PIWIL1: variants seen among roughly 807,000 people sequenced by gnomAD.
PIWIL1 encodes the protein piwi-like protein 1.
In PIWIL1, 73 loss-of-function variants were observed where a neutral mutation model predicts 114.4. That is an observed-to-expected ratio of 0.64 (90% CI 0.53 to 0.78). The LOEUF (loss-of-function observed/expected upper bound fraction) is 0.78. Ranked by LOEUF, PIWIL1 falls within the 30% of genes least tolerant of loss-of-function variation. PIWIL1 has a pLI of 0.00. For missense variants in PIWIL1, 723 were observed against 1,063.1 expected (o/e 0.68, Z 4.45); for synonymous variants, 375 against 369.0 (o/e 1.02, Z -0.19).
At chr12:130,359,637 G>A (rs1229293662) in intron 14 of PIWIL1, among the ~76,000 whole-genome samples, 1 of 152,192 alleles carries the variant, frequency 6.6e-6, no homozygotes, top group Non-Finnish European at 1.5e-5. Flanking sequence ...TTTTAGCAGA[G>A]TTGGTTGGTT....
At position 130,371,323 on chromosome 12, in the gene PIWIL1, A is replaced by G. The variant is rs138000461; in HGVS notation, c.2469A>G (p.Pro823=). 1.2e-6 allele frequency: 2 copies of G among 1,614,042 alleles called. No individual in the cohort carries two copies. The highest frequency in any genetic ancestry group is 2.7e-5 in the African/African-American group (2 of 74,956). ...TGTGCCACATCTATTACAACTGGCC[A>G]GTAAGTGCTTCTACTTGTTGATGTT... ...YKLCHIYYNW[P]GVIRVPAPCQ... The change falls in exon 20 of 21, where the codon CCA becomes CCG. Residue 823 remains proline, a splice_region_variant and synonymous_variant. Coordinates refer to ENST00000245255, the MANE Select transcript of PIWIL1 (RefSeq NM_004764.5).
At chr12:130,359,871 G>A (rs985018545) in intron 14 of PIWIL1, among the ~76,000 whole-genome samples, 2 of 152,182 alleles carry the variant, frequency 1.3e-5, no homozygotes, top group African/African-American at 4.8e-5. Flanking sequence ...CATTATGATT[G>A]TAAAGTAGGA....
the PIWIL1 span, chr12:130,412,506 G>C: frequency 1.0e-6 from 1 of 980,054 alleles, no homozygotes; most frequent in African/African-American, 1.6e-5. Context: ...CATGACTTTG[G>C]CATATTTAAA....
chr12:130,368,668 A>G (rs758105602), intron 19 of PIWIL1, among the ~76,000 whole-genome samples: 2 of 152,018 alleles, frequency 1.3e-5, no homozygotes, highest in Non-Finnish European at 2.9e-5. Context: ...ATTCTCTTTC[A>G]CCGTATTCAA....
At chr12:130,388,754 T>C in the PIWIL1 span, among the ~76,000 whole-genome samples, 2 of 152,216 alleles carry the variant, frequency 1.3e-5, no homozygotes, top group African/African-American at 4.8e-5. Context: ...TACAAGTATA[T>C]GTAATTGAGC....
At chr12:130,364,056 A>G (rs1319585171) in intron 18 of PIWIL1, among the ~76,000 whole-genome samples, 1 of 152,218 alleles carries the variant, frequency 6.6e-6, no homozygotes, top group East Asian at 1.9e-4. Context: ...TTATGAGTCA[A>G]TAAAATGTGT....
chr12:130,369,702 T>C (rs1395406901), intron 19 of PIWIL1, among the ~76,000 whole-genome samples: 1 of 152,230 alleles, frequency 6.6e-6, no homozygotes, highest in African/African-American at 2.4e-5. Context: ...TTTTGAGAAG[T>C]GTCTGTTCTT....
In PIWIL1 at chr12:130,355,611, C is replaced by T. The variant is rs909579125; in HGVS notation, c.1348C>T (p.Leu450=). ...DWGLSFDSNL[L]SFSGRILQTE... is the part of the protein sequence containing the mutation. Reference sequence around the variant, plus strand: ...GGGTTTGAGCTTTGATTCCAACTTACTGTCCTTCTCAGGAAGAATTTTGCA... The same window carrying T: ...GGGTTTGAGCTTTGATTCCAACTTATTGTCCTTCTCAGGAAGAATTTTGCA... The change falls in exon 12 of 21, where the codon CTG becomes TTG. Residue 450 remains leucine (L), a synonymous_variant. Transcript: ENST00000245255. 2.5e-6 allele frequency: 4 copies of T among 1,614,060 alleles called. No individual in the cohort carries two copies. The highest frequency in any genetic ancestry group is 2.5e-6 in the Non-Finnish European group (3 of 1,180,002).
the PIWIL1 span, among the ~76,000 whole-genome samples, chr12:130,409,332 C>CT: frequency 0.34 from 22,481 of 65,362 alleles, 8,616 homozygotes; most frequent in Non-Finnish European, 0.5. Flanking sequence ...CAAAATGTAG[C>CT]TTTTTTTTTT....
At chr12:130,355,725 C>A in intron 12 of PIWIL1, 58 bp downstream of exon 12, 2 of 1,206,774 alleles carry the variant, frequency 1.7e-6, no homozygotes, top group Non-Finnish European at 2.5e-6. Flanking sequence ...TCGCTCTGTC[C>A]CCCAGGCAGG....
intron 9 of PIWIL1, among the ~76,000 whole-genome samples, chr12:130,350,576 T>C (rs2136145625): frequency 1.3e-5 from 2 of 152,318 alleles, no homozygotes; most frequent in East Asian, 3.9e-4. Context: ...GAAACTGAAC[T>C]GTTCATGTAA....
the PIWIL1 span, among the ~76,000 whole-genome samples, chr12:130,390,521 C>T: frequency 2.6e-5 from 4 of 152,174 alleles, no homozygotes; most frequent in Non-Finnish European, 5.9e-5. Context: ...CCCAGGTTTC[C>T]CCTGCTCCAA....
At chr12:130,399,704 G>A in the PIWIL1 span, 38 of 1,614,040 alleles carry the variant, frequency 2.4e-5, no homozygotes, top group East Asian at 1.8e-4. Context: ...GCGCATTGGC[G>A]TATCTTGAGA....
the PIWIL1 span, among the ~76,000 whole-genome samples, chr12:130,390,349 GTTGT>G: frequency 1.3e-5 from 2 of 152,160 alleles, 1 homozygote; most frequent in South Asian, 4.1e-4. Context: ...TGTTTGTGAG[GTTGT>G]TTGTACAGCA....
chr12:130,364,042 G>A (rs1400654722), intron 18 of PIWIL1, among the ~76,000 whole-genome samples: 2 of 152,140 alleles, frequency 1.3e-5, no homozygotes, highest in African/African-American at 4.8e-5. Flanking sequence ...TTCCGTCAGT[G>A]CCATTATGAG....
chr12:130,340,192 G>C (rs1253558657), intron 1 of PIWIL1, among the ~76,000 whole-genome samples: 1 of 152,168 alleles, frequency 6.6e-6, no homozygotes, highest in Non-Finnish European at 1.5e-5. Flanking sequence ...TCAGAGGAGG[G>C]TGAGGCTTTG....
chr12:130,353,842 C>T (rs2073287651), intron 9 of PIWIL1, among the ~76,000 whole-genome samples: 1 of 151,910 alleles, frequency 6.6e-6, no homozygotes, highest in Non-Finnish European at 1.5e-5. Context: ...AGGAGAATCA[C>T]CTGAACCCGG....
chr12:130,408,813 C>T, the PIWIL1 span, among the ~76,000 whole-genome samples: 1 of 152,176 alleles, frequency 6.6e-6, no homozygotes, highest in Non-Finnish European at 1.5e-5. Context: ...CTATCAAAGG[C>T]AAATATCTCA....
Position 130,361,601 on chromosome 12 carries a change from GGTGA to G in PIWIL1, c.1970+6_1970+9del. 2 of 1,612,450 alleles carry G rather than the reference GGTGA, an allele frequency of 1.2e-6. No homozygotes were observed. The highest frequency in any genetic ancestry group is 1.7e-6 in the Non-Finnish European group (2 of 1,178,510). On this transcript the variant is annotated splice_donor_variant and splice_donor_region_variant and intron_variant, in intron 16 of 20. Transcript: ENST00000245255. LOFTEE classifies it high-confidence loss of function. Reference sequence around the variant, plus strand: ...GCCAGCATCAATGAAGGGATGACCCGGTGAGTGAGACTGGGCTACTGTGGGTGGC... The same window carrying G: ...GCCAGCATCAATGAAGGGATGACCCGGTGAGACTGGGCTACTGTGGGTGGC...
Sources: gnomAD v4.1 joint callset for allele counts (sites outside exome capture counted in the v4.1 genomes callset) on GRCh38, gnomAD v4.1.1 for gene constraint, MANE v1.5 for transcripts, NCBI Gene and HGNC (gene_info 2026-07-23, HGNC 2026-07-21) for gene names.